ICE1: variants seen among roughly 807,000 people sequenced by gnomAD.
ICE1 encodes interactor of little elongation complex ELL subunit 1.
In ICE1, 64 loss-of-function variants were observed where a neutral mutation model predicts 192.7. The observed-to-expected ratio is 0.33, with a 90% confidence interval of 0.27 to 0.41. ICE1 has a LOEUF of 0.41. Ranked by LOEUF, ICE1 falls within the 10% of genes least tolerant of loss-of-function variation. The pLI is 1.00. For synonymous variants in ICE1, 1,010 were observed against 984.5 expected (o/e 1.03, Z -0.49); for missense variants, 2,708 against 2,696.0 (o/e 1.00, Z -0.10).
At chr5:5,452,269 A>G (rs1288101762) in intron 10 of ICE1, among the ~76,000 whole-genome samples, 2 of 150,524 alleles carry the variant, frequency 1.3e-5, no homozygotes, top group Non-Finnish European at 2.9e-5. Flanking sequence ...TGAAATTGTC[A>G]TTATTTCAGA....
Position 5,447,838 on chromosome 5 carries a change from T to C in ICE1, c.548-3T>C, listed in dbSNP as rs376381068. The C allele has an allele frequency of 1.0e-5, 16 of 1,577,942 alleles. No homozygotes were observed. The highest frequency in any genetic ancestry group is 4.0e-5 in the African/African-American group (3 of 74,268). On this transcript the variant is annotated splice_region_variant and splice_polypyrimidine_tract_variant and intron_variant, in intron 9 of 18. Transcript: ENST00000296564. ...ATTAACCGTTTTTTCCCCATGCTTTTAGAGTTGAGACATATTGGAACACAA... is the reference window on the plus strand; with the variant it reads ...ATTAACCGTTTTTTCCCCATGCTTTCAGAGTTGAGACATATTGGAACACAA...
chr5:5,454,733 C>A, intron 11 of ICE1, 95 bp downstream of exon 11: 1 of 784,814 alleles, frequency 1.3e-6, no homozygotes, highest in South Asian at 1.8e-5. Flanking sequence ...GCTCCTGATT[C>A]TAACATTGAA....
intron 8 of ICE1, 88 bp from the exon 9 acceptor site, chr5:5,447,633 C>T (rs1418370754): frequency 3.6e-6 from 5 of 1,379,834 alleles, no homozygotes; most frequent in African/African-American, 1.4e-5. Context: ...GTCCCAGCTG[C>T]CTGTTAAGTT....
In ICE1 at chr5:5,461,380, A is replaced by C; in HGVS notation, c.2046A>C (p.Thr682=). ...EHKLQTKTLN[T]LHLQSEPPEC... The stretch of plus-strand genomic sequence containing the variant: ...AATTGCAAACTAAAACTTTAAACAC[A>C]TTACATCTGCAGTCTGAGCCACCGG... The change falls in exon 13 of 19, where the codon ACA becomes ACC. Residue 682 remains threonine, a synonymous_variant. Coordinates refer to ENST00000296564, the MANE Select transcript of ICE1 (RefSeq NM_015325.3). The C allele has an allele frequency of 6.2e-7, 1 of 1,613,946 alleles. No homozygotes were observed. The highest frequency in any genetic ancestry group is 1.3e-5 in the African/African-American group (1 of 75,062).
At chr5:5,444,916 G>A (rs1738167334) in intron 7 of ICE1, among the ~76,000 whole-genome samples, 1 of 152,142 alleles carries the variant, frequency 6.6e-6, no homozygotes, top group South Asian at 2.1e-4. Context: ...GAACTGGTAG[G>A]AATTGAACTC....
rs4702269 is a variant in ICE1 at position 5,447,494 on chromosome 5, A to G, written c.492A>G (p.Glu164=). The G allele has an allele frequency of 0.037, 58,046 of 1,551,202 alleles. 4,744 individuals are homozygous for G. Among genetic ancestry groups the G allele is most frequent in the East Asian group, 0.35 (14,332 of 40,888 alleles). ...ATGAAAAGAAAATACTTGAAAAGGA[A>G]TTTAAGAAGACACAGGTACTAGATA... ...LRNEKKILEK[E]FKKTQERLDE... Residue 164 remains glutamate, a synonymous_variant, in exon 8 of 19, where the codon GAA becomes GAG. Coordinates refer to ENST00000296564, the MANE Select transcript of ICE1 (RefSeq NM_015325.3).
In ICE1 at chr5:5,461,734, T is replaced by C. The variant is rs1305506632; in HGVS notation, c.2400T>C (p.Gly800=). The C allele has an allele frequency of 5.6e-6, 9 of 1,613,578 alleles. No individual in the cohort carries two copies. In the African/African-American group the frequency reaches 1.2e-4, roughly 22 times the overall value. ...SWHHSDLLRK[G]GEESLRAKSE... ...ACCATAGTGATTTATTAAGGAAAGG[T>C]GGCGAAGAAAGTCTGAGAGCCAAAT... Residue 800 remains glycine, a synonymous_variant, in exon 13 of 19, where the codon GGT becomes GGC. Coordinates refer to ENST00000296564, the MANE Select transcript of ICE1 (RefSeq NM_015325.3).
chr5:5,435,570 ATTTT>A (rs1330537189), intron 1 of ICE1, among the ~76,000 whole-genome samples: 2 of 151,848 alleles, frequency 1.3e-5, no homozygotes, highest in African/African-American at 4.8e-5. Flanking sequence ...AAATTAGCTC[ATTTT>A]AAAATCTTAG....
intron 3 of ICE1, among the ~76,000 whole-genome samples, chr5:5,439,047 G>A (rs946031930): frequency 3.9e-5 from 6 of 151,996 alleles, no homozygotes; most frequent in African/African-American, 1.4e-4. Context: ...TTCAAGATGG[G>A]AAAGTTATTT....
intron 3 of ICE1, 125 bp downstream of exon 3, chr5:5,437,239 A>G: frequency 1.5e-6 from 1 of 665,054 alleles, no homozygotes; most frequent in Admixed American, 2.7e-5. Context: ...TTCAGTAGGG[A>G]GCATGTCTCA....
At chr5:5,426,288 T>TA (rs1375042589) in intron 1 of ICE1, among the ~76,000 whole-genome samples, 1 of 151,778 alleles carries the variant, frequency 6.6e-6, no homozygotes, top group Non-Finnish European at 1.5e-5. Flanking sequence ...CTACGAAAAA[T>TA]ACAAAAATTA....
At chr5:5,434,196 G>C (rs1249240758) in intron 1 of ICE1, among the ~76,000 whole-genome samples, 1 of 152,156 alleles carries the variant, frequency 6.6e-6, no homozygotes, top group Non-Finnish European at 1.5e-5. Flanking sequence ...TTCATAACAT[G>C]ATTAAAGGAT....
At chr5:5,489,118 G>A (rs1739718215) in intron 18 of ICE1, 31 bp from the exon 19 acceptor site, 1 of 1,600,568 alleles carries the variant, frequency 6.2e-7, no homozygotes, top group African/African-American at 1.3e-5. Flanking sequence ...ATATTTTCTT[G>A]TTTTATGACT....
chr5:5,461,132 CA>C lies in ICE1; in HGVS notation c.1800del (p.Phe602SerfsTer3). On this transcript the variant is annotated frameshift_variant, in exon 13 of 19. Transcript: ENST00000296564. LOFTEE classifies it high-confidence loss of function. The part of the protein sequence containing the change: ...RELEKEKEDT[Q>X]GFTLGESPES... ...ATTGGAAAAGGAAAAAGAAGATACT[CA>C]AGGGTTCACTTTAGGAGAATCACCT... 6.2e-7 allele frequency: 1 copy of C among 1,613,978 alleles called. No individual in the cohort carries two copies. The highest frequency in any genetic ancestry group is 8.5e-7 in the Non-Finnish European group (1 of 1,179,876).
rs1234302912 is a variant in ICE1 at position 5,454,749 on chromosome 5, G to A, written c.691+111G>A. The A allele has an allele frequency of 5.9e-6, 4 of 674,426 alleles. No homozygotes were observed. The African/African-American group carries it at 7.3e-5, about 12-fold the overall frequency. The allele number at this position is 674,426 out of a possible 1,614,324, so 41.8% of individuals were successfully genotyped here. A position where few individuals can be genotyped will look rare whatever the true frequency, so the allele number is the denominator to read the frequency against. ...CTCCTGATTCTAACATTGAAAGAATGAAGTAAACTAGAATGGGTACTTTTA... is the reference window on the plus strand; with the variant it reads ...CTCCTGATTCTAACATTGAAAGAATAAAGTAAACTAGAATGGGTACTTTTA... On this transcript the variant is annotated intron_variant, in intron 11 of 18. Transcript: ENST00000296564.
intron 5 of ICE1, among the ~76,000 whole-genome samples, chr5:5,442,815 A>G (rs1012792202): frequency 6.6e-6 from 1 of 152,182 alleles, no homozygotes; most frequent in East Asian, 1.9e-4. Flanking sequence ...AATTTTCCCT[A>G]GCAATACCGT....
At position 5,464,697 on chromosome 5, in the gene ICE1, G is replaced by T. The variant is rs747990609; in HGVS notation, c.5363G>T (p.Gly1788Val). ...CCTGCTGACTGTAAGAATTTACCGG[G>T]ACCTGCCAGTGCTATGATAGGATTC... is the stretch of plus-strand genomic sequence containing the variant. ...GPPADCKNLP[G>V]PASAMIGFKT... Residue 1788 changes from glycine to valine, a missense_variant, in exon 13 of 19, where the codon GGA becomes GTA. By Grantham distance (109) the Gly-to-Val change is moderately radical. This residue lies in a region of ICE1 where 2,366 missense variants were observed against 2,276.6 expected (regional missense o/e 1.04). Transcript: ENST00000296564. This position sits in a 1 kb window ranked among gnomAD's most constrained non-coding sequence, Gnocchi z 4.0. 2 of 1,613,936 alleles carry T rather than the reference G, an allele frequency of 1.2e-6. No homozygotes were observed. The highest frequency in any genetic ancestry group is 1.7e-6 in the Non-Finnish European group (2 of 1,179,876).
chr5:5,438,361 T>G (rs1737940974), intron 3 of ICE1, among the ~76,000 whole-genome samples: 1 of 152,214 alleles, frequency 6.6e-6, no homozygotes, highest in African/African-American at 2.4e-5. Flanking sequence ...GACCATATCA[T>G]CATTTCTAAT....
rs1323879967 is a variant in ICE1 at position 5,457,425 on chromosome 5, T to G, written c.785T>G (p.Val262Gly). Residue 262 changes from valine (V) to glycine (G), a missense_variant, in exon 12 of 19, where the codon GTG becomes GGG. This residue lies in a region of ICE1 where 2,366 missense variants were observed against 2,276.6 expected (regional missense o/e 1.04). Transcript: ENST00000296564. Reference protein sequence around the residue: ...TQGSPLRTSNVQTCLTKLSME... With the variant: ...TQGSPLRTSNGQTCLTKLSME... ...GGCAGCCCTCTCAGGACCTCAAATG[T>G]GCAGACATGCCTCACAAAACTGTCC... 2.5e-6 allele frequency: 4 copies of G among 1,613,862 alleles called. No homozygotes were observed. The East Asian group carries it at 8.9e-5, about 36-fold the overall frequency.
Sources: allele counts gnomAD v4.1 joint callset (sites outside exome capture counted in the v4.1 genomes callset), GRCh38; gene constraint gnomAD v4.1.1; regional missense constraint gnomAD v4.1.1; non-coding constraint Gnocchi (gnomAD v3.1); transcripts MANE v1.5; gene names NCBI Gene and HGNC (gene_info 2026-07-23, HGNC 2026-07-21).